Variants in BACE2 observed in about 807,000 individuals in gnomAD.
BACE2 encodes beta-secretase 2, also known as 56 kDa aspartic-like protease.
BACE2 carries 17 observed loss-of-function variants against 46.2 expected under a neutral mutation model. That is an observed-to-expected ratio of 0.37 (90% CI 0.25 to 0.55). The LOEUF is 0.55. BACE2 is among the 20% of genes least tolerant of loss of function. BACE2 has a pLI of 0.82. For synonymous variants in BACE2, 277 were observed against 295.9 expected, an observed-to-expected ratio of 0.94 and a Z score of 0.66; for missense variants, 595 against 698.1, an observed-to-expected ratio of 0.85 and a Z score of 1.66.
chr21:41,182,636 T>C (rs1042590068), intron 1 of BACE2: 1 of 167,162 alleles, frequency 6.0e-6, no homozygotes, highest in Non-Finnish European at 1.5e-5. Flanking sequence ...GGCTTCTAGT[T>C]CTTGGCTTCC....
intron 1 of BACE2, among the ~76,000 whole-genome samples, chr21:41,224,209 A>AT (rs10658440): frequency 0.021 from 2,076 of 98,830 alleles, 66 homozygotes; most frequent in East Asian, 0.033. Flanking sequence ...GCCTATTTTG[A>AT]TTTTTTTTTT....
At chr21:41,202,472 A>G (rs1423481788) in intron 1 of BACE2, among the ~76,000 whole-genome samples, 1 of 152,214 alleles carries the variant, frequency 6.6e-6, no homozygotes, top group Non-Finnish European at 1.5e-5. Flanking sequence ...AGTCTGCTGG[A>G]AAGCAGTAGG....
At chr21:41,214,203 T>C (rs9983496) in intron 1 of BACE2, among the ~76,000 whole-genome samples, 80,575 of 152,100 alleles carry the variant, frequency 0.53, 25,466 homozygotes, top group African/African-American at 0.89. Flanking sequence ...CAGGCACTGG[T>C]ACATGAATGG....
intron 2 of BACE2, chr21:41,236,802 G>C (rs1238285233): frequency 6.6e-6 from 1 of 152,282 alleles, no homozygotes; most frequent in Non-Finnish European, 1.5e-5. Flanking sequence ...CAGCAGCCCT[G>C]CAAAGCCGGA....
In BACE2 at chr21:41,245,944, T is replaced by C. The variant is rs569769413; in HGVS notation, c.883-18T>C. 47 of 1,588,516 alleles carry C rather than the reference T, an allele frequency of 3.0e-5. No individual in the cohort carries two copies. The South Asian group carries it at 4.8e-4, about 16-fold the overall frequency. On this transcript the variant is annotated intron_variant, in intron 5 of 8. Coordinates refer to ENST00000330333, the MANE Select transcript of BACE2 (RefSeq NM_012105.5). The stretch of plus-strand genomic sequence containing the variant: ...CCACTGTCACTCACGCACCTTTCCC[T>C]TTCTCTCCCGGTTCAAGTATAACGC...
chr21:41,212,387 G>A (rs1229259744), intron 1 of BACE2, among the ~76,000 whole-genome samples: 1 of 152,154 alleles, frequency 6.6e-6, no homozygotes, highest in Non-Finnish European at 1.5e-5. Context: ...TGGGAATAAG[G>A]GTTCATCATA....
rs112435447 is a variant in BACE2, at chr21:41,234,839, G to A, written c.402-2674G>A. Among the ~76,000 whole-genome samples the A allele has an allele frequency of 2.8e-3, 432 of 152,274 alleles. 2 individuals carry two copies. The highest frequency in any genetic ancestry group is 9.9e-3 in the African/African-American group (412 of 41,528). Reference sequence around the variant, plus strand: ...CTGCATGTTACCTGGGTAATTTCTGGTGGATCCCTTAGTGCTCTAAGGACC... The same window carrying A: ...CTGCATGTTACCTGGGTAATTTCTGATGGATCCCTTAGTGCTCTAAGGACC... On this transcript the variant is annotated intron_variant, in intron 2 of 8. Coordinates refer to ENST00000330333, the MANE Select transcript of BACE2 (RefSeq NM_012105.5).
chr21:41,198,912 T>C (rs563128884), intron 1 of BACE2, among the ~76,000 whole-genome samples: 1 of 151,884 alleles, frequency 6.6e-6, no homozygotes, highest in South Asian at 2.1e-4. Context: ...AGGGTACATG[T>C]GTACAATGTG....
In BACE2 at chr21:41,275,512, T is replaced by C; in HGVS notation, c.1445T>C (p.Ile482Thr). ...GCGCTCATGAGCGTCTGTGGAGCCA[T>C]CCTCCTTGTCTTAATCGTCCTGCTG... ...SYALMSVCGA[I>T]LLVLIVLLLL... The change falls in exon 9 of 9, where the codon ATC (isoleucine) becomes ACC (threonine). Residue 482 changes from isoleucine (I) to threonine (T), a missense_variant. Ile to Thr is a moderately conservative substitution (Grantham distance 89, BLOSUM62 -1). Transcript: ENST00000330333. The C allele has an allele frequency of 6.2e-7, 1 of 1,614,106 alleles. No homozygotes were observed. Among genetic ancestry groups the C allele is most frequent in the Non-Finnish European group, 8.5e-7 (1 of 1,180,022 alleles).
At chr21:41,214,242 G>A (rs779877182) in intron 1 of BACE2, among the ~76,000 whole-genome samples, 2 of 152,180 alleles carry the variant, frequency 1.3e-5, no homozygotes, top group Non-Finnish European at 2.9e-5. Context: ...CAAGCCCTGC[G>A]TGCATTCAGT....
chr21:41,211,145 G>A (rs532638146), intron 1 of BACE2, among the ~76,000 whole-genome samples: 4 of 152,096 alleles, frequency 2.6e-5, no homozygotes, highest in African/African-American at 9.6e-5. Context: ...GAATCAGGCA[G>A]CCAAGCCCAT....
intron 8 of BACE2, among the ~76,000 whole-genome samples, chr21:41,268,056 G>A (rs1171641900): frequency 6.6e-6 from 1 of 152,190 alleles, no homozygotes; most frequent in African/African-American, 2.4e-5. Context: ...TGTAACTCGA[G>A]ACATTGATGA....
intron 5 of BACE2, 90 bp downstream of exon 5, chr21:41,243,600 G>A: frequency 6.8e-6 from 9 of 1,328,134 alleles, no homozygotes; most frequent in Middle Eastern, 2.0e-4. Context: ...CCAATAGAAG[G>A]TACATTACCT....
At chr21:41,222,366 G>T (rs11701773) in intron 1 of BACE2, among the ~76,000 whole-genome samples, 1 of 152,182 alleles carries the variant, frequency 6.6e-6, no homozygotes, top group Non-Finnish European at 1.5e-5. Flanking sequence ...GGTCAGCTTC[G>T]TGGAGAAGGT....
rs2123660410 is a variant in BACE2, at chr21:41,277,615, A to T, written c.*1991A>T. The T allele has an allele frequency of 2.0e-5, 3 of 152,338 alleles. No homozygotes were observed. In the South Asian group the frequency reaches 6.2e-4, roughly 32 times the overall value. 9.4% of individuals were successfully genotyped at this position (152,338 alleles called of 1,614,324 possible). ...TTGCTGTGAAAAATTCAAAGCCCTG[A>T]AATAAGAGGAGGGAATCGCAGACAT... On this transcript the variant is annotated 3_prime_UTR_variant, in exon 9 of 9. Transcript: ENST00000330333.
intron 1 of BACE2, among the ~76,000 whole-genome samples, chr21:41,197,655 T>TA (rs371348258): frequency 0.012 from 1,829 of 146,936 alleles, 39 homozygotes; most frequent in African/African-American, 0.04. Context: ...TTGCTTGTGT[T>TA]AAAAAAAAAA....
At position 41,170,633 on chromosome 21, in the gene BACE2, G is replaced by T. The variant is rs1050800724; in HGVS notation, c.312+2058G>T. Among the ~76,000 whole-genome samples the T allele has an allele frequency of 7.9e-5, 12 of 152,326 alleles. 1 individual carries two copies. The highest frequency in any genetic ancestry group is 7.8e-4 in the Admixed American group (12 of 15,298). On this transcript the variant is annotated intron_variant, in intron 1 of 8. Transcript: ENST00000330333. ...GGGTGTCAGCAGCCGGCTAGAGGGG[G>T]CAGCAGTGAGGTGACTTCTGAACCT...
chr21:41,170,760 T>C (rs1409165744), intron 1 of BACE2, among the ~76,000 whole-genome samples: 1 of 152,156 alleles, frequency 6.6e-6, no homozygotes, highest in African/African-American at 2.4e-5. Context: ...GAGAGAAAAA[T>C]GGAATTGTAA....
intron 8 of BACE2, among the ~76,000 whole-genome samples, chr21:41,263,776 CAGTGTTCTGAAT>C (rs1987998567): frequency 6.6e-6 from 1 of 152,116 alleles, no homozygotes. Context: ...TTTAAATTTC[CAGTGTTCTGAAT>C]AGTGTTCTGA....
Sources: allele counts gnomAD v4.1 joint callset (sites outside exome capture counted in the v4.1 genomes callset), GRCh38; gene constraint gnomAD v4.1.1; transcripts MANE v1.5; gene names NCBI Gene and HGNC (gene_info 2026-07-23, HGNC 2026-07-21).